The following PTPRM variants were observed in gnomAD, a reference collection of about 807,000 sequenced individuals.
The protein encoded by PTPRM is receptor-type tyrosine-protein phosphatase mu.
Under a neutral mutation model 186.7 loss-of-function variants are expected in PTPRM, and 47 were observed. The observed-to-expected ratio is 0.25, with a 90% CI of 0.20 to 0.32. The LOEUF (loss-of-function observed/expected upper bound fraction) is 0.32, where lower values mean the gene tolerates loss of function less well. Ranked by LOEUF, PTPRM falls within the 10% of genes least tolerant of loss-of-function variation. The probability of loss-of-function intolerance (pLI) is 1.00; values close to 1 mark genes in which losing one functional copy is unlikely to be tolerated. For missense variants in PTPRM, 1,494 were observed against 1,865.0 expected (o/e 0.80, Z 3.66); for synonymous variants, 668 against 674.9 (o/e 0.99, Z 0.16).
chr18:8,033,039 T>G (rs1020171377), intron 7 of PTPRM, among the ~76,000 whole-genome samples: 3 of 152,088 alleles, frequency 2.0e-5, no homozygotes, highest in Admixed American at 6.5e-5. Context: ...AATAAAAGAT[T>G]GATGAATTTG....
At chr18:7,859,692 A>C (rs959232256) in intron 2 of PTPRM, among the ~76,000 whole-genome samples, 2 of 152,246 alleles carry the variant, frequency 1.3e-5, no homozygotes, top group African/African-American at 4.8e-5. Context: ...ATGGGGGTTG[A>C]GGAGTCGGTA....
intron 9 of PTPRM, among the ~76,000 whole-genome samples, chr18:8,076,955 A>C (rs1276431162): frequency 6.6e-6 from 1 of 152,204 alleles, no homozygotes; most frequent in East Asian, 1.9e-4. Flanking sequence ...CTGATTATCC[A>C]GTTAGCAAAG....
At chr18:7,833,386 G>A (rs1299923479) in intron 2 of PTPRM, among the ~76,000 whole-genome samples, 1 of 151,982 alleles carries the variant, frequency 6.6e-6, no homozygotes, top group Non-Finnish European at 1.5e-5. Flanking sequence ...ATTGTAAATG[G>A]GGTTACTTTT....
intron 22 of PTPRM, among the ~76,000 whole-genome samples, chr18:8,335,287 A>T (rs573783480): frequency 3.7e-4 from 48 of 129,496 alleles, no homozygotes; most frequent in Non-Finnish European, 5.2e-4. Context: ...TTTGAGACCT[A>T]TGGCAGGTAC....
At chr18:8,405,960 A>T (rs2095903954) in intron 32 of PTPRM, 149 bp from the exon 33 acceptor site, 1 of 744,306 alleles carries the variant, frequency 1.3e-6, no homozygotes, top group Non-Finnish European at 2.4e-6. Flanking sequence ...ATGTATCTGG[A>T]GTTCAGAACC....
intron 22 of PTPRM, among the ~76,000 whole-genome samples, chr18:8,319,460 A>C (rs967325997): frequency 3.3e-5 from 5 of 152,206 alleles, no homozygotes; most frequent in Admixed American, 3.3e-4. Context: ...TGTCTACCTT[A>C]GGAGTAAGTT....
At chr18:7,652,537 A>C (rs1178294918) in intron 1 of PTPRM, among the ~76,000 whole-genome samples, 3 of 151,966 alleles carry the variant, frequency 2.0e-5, no homozygotes, top group African/African-American at 7.3e-5. Context: ...GATTAAGAAA[A>C]TGTGGCACAT....
chr18:7,842,550 A>G (rs928247083), intron 2 of PTPRM, among the ~76,000 whole-genome samples: 4 of 152,144 alleles, frequency 2.6e-5, no homozygotes, highest in African/African-American at 9.7e-5. Context: ...TGAGATTAAC[A>G]TTTAGATAAG....
chr18:8,247,673 ATAAG>A (rs996350933), intron 15 of PTPRM, among the ~76,000 whole-genome samples, 168 bp from the exon 16 acceptor site: 2 of 152,196 alleles, frequency 1.3e-5, no homozygotes, highest in African/African-American at 4.8e-5. Context: ...CTTCTAAAGG[ATAAG>A]TAAGTACTCA....
intron 32 of PTPRM, among the ~76,000 whole-genome samples, chr18:8,401,280 T>A (rs369416782): frequency 1.3e-5 from 2 of 152,178 alleles, no homozygotes; most frequent in East Asian, 3.9e-4. Flanking sequence ...CAGGGGGCTT[T>A]GGTGAAGAAA....
intron 7 of PTPRM, among the ~76,000 whole-genome samples, chr18:7,982,677 G>A (rs982100093): frequency 2.0e-5 from 3 of 152,130 alleles, no homozygotes; most frequent in African/African-American, 7.2e-5. Context: ...ATGACTGGCA[G>A]TGCAGTAGAT....
intron 7 of PTPRM, among the ~76,000 whole-genome samples, chr18:8,068,941 T>C (rs1330013549): frequency 4.6e-5 from 7 of 151,296 alleles, no homozygotes; most frequent in African/African-American, 1.7e-4. Context: ...CGACTAGAAA[T>C]ACACACACAC....
intron 4 of PTPRM, among the ~76,000 whole-genome samples, chr18:7,919,405 T>C (rs537181310): frequency 6.6e-6 from 1 of 152,298 alleles, no homozygotes; most frequent in East Asian, 1.9e-4. Context: ...TTAAAAATTA[T>C]TGAAACAAAT....
intron 19 of PTPRM, among the ~76,000 whole-genome samples, chr18:8,264,535 C>T (rs1315121041): frequency 6.6e-6 from 1 of 152,040 alleles, no homozygotes; most frequent in East Asian, 1.9e-4. Context: ...CTTTGGGAGG[C>T]CGAGGCGGGC....
At chr18:7,913,808 A>G (rs2050406408) in intron 4 of PTPRM, among the ~76,000 whole-genome samples, 1 of 152,152 alleles carries the variant, frequency 6.6e-6, no homozygotes, top group South Asian at 2.1e-4. Flanking sequence ...ATGCCAATTT[A>G]AAAACAAAAT....
At chr18:7,899,104 C>T (rs570223599) in intron 3 of PTPRM, among the ~76,000 whole-genome samples, 1 of 152,312 alleles carries the variant, frequency 6.6e-6, no homozygotes, top group Non-Finnish European at 1.5e-5. Context: ...ATCTTAGCGT[C>T]CTTGCACTCT....
intron 7 of PTPRM, among the ~76,000 whole-genome samples, chr18:8,057,611 AC>A (rs2148330895): frequency 2.7e-5 from 2 of 75,306 alleles, no homozygotes; most frequent in East Asian, 9.1e-4. Context: ...CCCTCCCCCC[AC>A]CCCACCACAG....
At chr18:7,986,212 A>G (rs2082955819) in intron 7 of PTPRM, among the ~76,000 whole-genome samples, 1 of 152,200 alleles carries the variant, frequency 6.6e-6, no homozygotes, top group African/African-American at 2.4e-5. Context: ...GTAGTGCGTA[A>G]CAGGATTTAA....
At chr18:7,746,628 G>C (rs1232174034) in intron 1 of PTPRM, among the ~76,000 whole-genome samples, 1 of 151,984 alleles carries the variant, frequency 6.6e-6, no homozygotes, top group African/African-American at 2.4e-5. Flanking sequence ...ACCATGCCTG[G>C]CTAATTTTTG....
Sources: allele counts gnomAD v4.1 joint callset (sites outside exome capture counted in the v4.1 genomes callset), GRCh38; gene constraint gnomAD v4.1.1; transcripts MANE v1.5; gene names NCBI Gene and HGNC (gene_info 2026-07-23, HGNC 2026-07-21).